The following ATOSA variants were observed in gnomAD, a reference collection of about 807,000 sequenced individuals.
ATOSA encodes the protein atos homolog A.
chr15:52,590,481 A>G, the ATOSA span, among the ~76,000 whole-genome samples: 2 of 152,352 alleles, frequency 1.3e-5, no homozygotes, highest in African/African-American at 2.4e-5. Flanking sequence ...TACCACCTCT[A>G]TACCACAAAG....
the ATOSA span, chr15:52,610,162 T>C: frequency 3.1e-6 from 5 of 1,613,910 alleles, no homozygotes; most frequent in African/African-American, 5.3e-5. Flanking sequence ...ATTTGGGTTA[T>C]GGTGCTGATG....
chr15:52,647,723 T>C, the ATOSA span, among the ~76,000 whole-genome samples: 1 of 151,898 alleles, frequency 6.6e-6, no homozygotes, highest in African/African-American at 2.4e-5. Flanking sequence ...AATCTGGGGG[T>C]GTCAGTACAC....
At chr15:52,605,576 C>T in the ATOSA span, among the ~76,000 whole-genome samples, 1 of 152,092 alleles carries the variant, frequency 6.6e-6, no homozygotes, top group Admixed American at 6.5e-5. Context: ...GATTTTCGAA[C>T]ATTTCAAATT....
At chr15:52,613,417 T>C in the ATOSA span, among the ~76,000 whole-genome samples, 1 of 152,156 alleles carries the variant, frequency 6.6e-6, no homozygotes, top group East Asian at 1.9e-4. Context: ...GTCTTAAATC[T>C]AGCTTATGAG....
the ATOSA span, among the ~76,000 whole-genome samples, chr15:52,702,685 A>G: frequency 6.6e-6 from 1 of 151,722 alleles, no homozygotes; most frequent in African/African-American, 2.4e-5. Flanking sequence ...GACAGGATCA[A>G]CTGTACCCCA....
At chr15:52,625,524 G>GT in the ATOSA span, among the ~76,000 whole-genome samples, 1 of 152,026 alleles carries the variant, frequency 6.6e-6, no homozygotes, top group East Asian at 1.9e-4. Context: ...AAAGACAAGT[G>GT]ATCAACTTAT....
the ATOSA span, chr15:52,613,611 GTGA>G: frequency 3.5e-6 from 5 of 1,445,338 alleles, no homozygotes; most frequent in African/African-American, 5.7e-5. Context: ...TAAAATAAAG[GTGA>G]TGATGAACAT....
chr15:52,615,486 T>C, the ATOSA span, among the ~76,000 whole-genome samples: 4 of 152,200 alleles, frequency 2.6e-5, no homozygotes, highest in African/African-American at 9.7e-5. Context: ...ACATAGTTCC[T>C]AGTTTTGAAA....
chr15:52,649,396 A>C, the ATOSA span: 1 of 152,148 alleles, frequency 6.6e-6, no homozygotes, highest in African/African-American at 2.4e-5. Flanking sequence ...TTAGAGAAAA[A>C]GAAAAACTCA....
At chr15:52,618,299 A>G in the ATOSA span, among the ~76,000 whole-genome samples, 1 of 152,178 alleles carries the variant, frequency 6.6e-6, no homozygotes, top group Non-Finnish European at 1.5e-5. Context: ...TCGGCCTCCC[A>G]AAGGGCTGGG....
chr15:52,661,931 CAAAAAAAA>C, the ATOSA span, among the ~76,000 whole-genome samples: 5 of 73,258 alleles, frequency 6.8e-5, no homozygotes, highest in East Asian at 5.2e-4. Context: ...CAAGCCAGGC[CAAAAAAAA>C]AAAAAAAAAA....
At chr15:52,706,692 G>A in the ATOSA span, among the ~76,000 whole-genome samples, 1 of 152,102 alleles carries the variant, frequency 6.6e-6, no homozygotes, top group South Asian at 2.1e-4. Flanking sequence ...CTAAAAATAG[G>A]AATTCATAAG....
At chr15:52,653,494 C>T in the ATOSA span, among the ~76,000 whole-genome samples, 2 of 152,196 alleles carry the variant, frequency 1.3e-5, no homozygotes, top group Non-Finnish European at 1.5e-5. Context: ...AATAACAAGA[C>T]GTGCTTGGAA....
chr15:52,600,938 C>A, the ATOSA span: 3 of 583,838 alleles, frequency 5.1e-6, no homozygotes, highest in East Asian at 9.5e-5. Flanking sequence ...CACACTCATC[C>A]TTAATAACTG....
the ATOSA span, among the ~76,000 whole-genome samples, chr15:52,659,272 G>A: frequency 1.3e-5 from 2 of 152,214 alleles, no homozygotes; most frequent in Non-Finnish European, 2.9e-5. Flanking sequence ...CACATTGAAA[G>A]TGCTTGGTTA....
the ATOSA span, among the ~76,000 whole-genome samples, chr15:52,706,480 G>A: frequency 6.6e-6 from 1 of 152,134 alleles, no homozygotes; most frequent in Non-Finnish European, 1.5e-5. Context: ...ATGTTGTTGG[G>A]AACTAAGGTT....
At chr15:52,640,027 G>C in the ATOSA span, among the ~76,000 whole-genome samples, 8 of 151,734 alleles carry the variant, frequency 5.3e-5, no homozygotes, top group Admixed American at 3.3e-4. Context: ...CAAAGTGCTA[G>C]GATTACAGGT....
the ATOSA span, chr15:52,586,269 C>G: frequency 6.6e-6 from 1 of 152,192 alleles, no homozygotes; most frequent in African/African-American, 2.4e-5. Context: ...TATATATACA[C>G]ACACGTACAC....
chr15:52,635,048 G>C, the ATOSA span, among the ~76,000 whole-genome samples: 1 of 152,202 alleles, frequency 6.6e-6, no homozygotes, highest in South Asian at 2.1e-4. Context: ...GATATTGCTA[G>C]TGATGAGGTC....
Sources: gnomAD v4.1 joint callset for allele counts (sites outside exome capture counted in the v4.1 genomes callset) on GRCh38, gnomAD v4.1.1 for gene constraint, MANE v1.5 for transcripts, NCBI Gene and HGNC (gene_info 2026-07-23, HGNC 2026-07-21) for gene names.